NDUFA10: variants seen among roughly 807,000 people sequenced by gnomAD.
NDUFA10 encodes NADH dehydrogenase [ubiquinone] 1 alpha subcomplex subunit 10, mitochondrial.
NDUFA10 carries 40 observed loss-of-function variants against 47.8 expected under a neutral mutation model. That is an observed-to-expected ratio of 0.84 (90% CI 0.65 to 1.09). NDUFA10 has a LOEUF of 1.09. NDUFA10 is among the 50% of genes least tolerant of loss of function. The pLI, the probability that NDUFA10 is intolerant of heterozygous loss-of-function variation, is 0.00. For synonymous variants in NDUFA10, 183 were observed against 172.2 expected, an observed-to-expected ratio of 1.06 and a Z score of -0.49; for missense variants, 413 against 451.1, an observed-to-expected ratio of 0.92 and a Z score of 0.76.
chr2:240,000,099 T>C (rs960844959), intron 8 of NDUFA10, among the ~76,000 whole-genome samples: 1 of 152,260 alleles, frequency 6.6e-6, no homozygotes, highest in African/African-American at 2.4e-5. Flanking sequence ...GAATACCTGA[T>C]ATTCTCATCA....
intron 4 of NDUFA10, among the ~76,000 whole-genome samples, chr2:239,947,347 T>C (rs1476115137): frequency 1.3e-5 from 2 of 152,200 alleles, no homozygotes; most frequent in Non-Finnish European, 2.9e-5. Context: ...ACAGAGCTCC[T>C]GAGGCCCACA....
intron 8 of NDUFA10, among the ~76,000 whole-genome samples, chr2:239,996,458 T>C (rs949505821): frequency 2.0e-5 from 3 of 152,216 alleles, no homozygotes; most frequent in Non-Finnish European, 2.9e-5. Context: ...AAAGAAAAAG[T>C]CTCAAAATAT....
chr2:240,014,531 G>A (rs1029945237), intron 5 of NDUFA10: 8 of 692,362 alleles, frequency 1.2e-5, no homozygotes, highest in African/African-American at 3.5e-5. Flanking sequence ...ACTGGTGGGC[G>A]GCAGGCCCGC....
intron 4 of NDUFA10, among the ~76,000 whole-genome samples, chr2:239,898,965 GT>G (rs1693460405): frequency 7.2e-6 from 1 of 139,286 alleles, no homozygotes; most frequent in African/African-American, 2.6e-5. Context: ...GTGTGGCAGG[GT>G]GTGATGAAGA....
intron 4 of NDUFA10, among the ~76,000 whole-genome samples, chr2:239,907,348 A>G (rs1205905223): frequency 6.6e-6 from 1 of 152,262 alleles, no homozygotes; most frequent in Non-Finnish European, 1.5e-5. Flanking sequence ...CAAGGACTTC[A>G]TGACTAAAAC....
chr2:239,893,269 C>T (rs1693328978), intron 5 of NDUFA10, among the ~76,000 whole-genome samples: 1 of 152,064 alleles, frequency 6.6e-6, no homozygotes, highest in African/African-American at 2.4e-5. Context: ...GCACAGAGGA[C>T]CGGAAGTATG....
chr2:239,952,990 G>A (rs1694581956), downstream of NDUFA10, among the ~76,000 whole-genome samples: 1 of 152,236 alleles, frequency 6.6e-6, no homozygotes, highest in Non-Finnish European at 1.5e-5. Context: ...AGCAGGGCCT[G>A]TGGCTGCCAG....
intron 9 of NDUFA10, chr2:239,982,246 T>C (rs1695808215): frequency 6.2e-7 from 1 of 1,611,428 alleles, no homozygotes; most frequent in Non-Finnish European, 8.5e-7. Context: ...AACAATTCTG[T>C]TCACCTCGCC....
rs1461160919 is a variant in NDUFA10, at chr2:239,906,084, A to G, written c.295-10770T>C. 6.6e-6 allele frequency among the ~76,000 whole-genome samples: 1 copy of G among 152,076 alleles called. No individual in the cohort carries two copies. The highest frequency in any genetic ancestry group is 2.4e-5 in the African/African-American group (1 of 41,406). ...CTCCAAGGTGCTCAGGGGACCTTGA[A>G]GCAGCCCTGGCCACAGATGTGTGCT... On this transcript the variant is annotated intron_variant, in intron 4 of 5. Coordinates refer to the NDUFA10 transcript ENST00000419408. The surrounding 1 kb of genome is among the most constrained non-coding windows in gnomAD (Gnocchi z 4.3).
rs770747594 is a variant in NDUFA10, at chr2:240,021,387, C to T, written c.270G>A (p.Gly90=). ...CTGTGGTACTGTCTGGATAATGAATCCCCGCTTCAGGAAAGTGCTTGAAGC... is the reference window on the plus strand; with the variant it reads ...CTGTGGTACTGTCTGGATAATGAATTCCCGCTTCAGGAAAGTGCTTGAAGC... ...KLGFKHFPEA[G]IHYPDSTTGD... is the part of the protein sequence containing the mutation. The change falls in exon 3 of 10, where the codon GGG becomes GGA. Residue 90 remains glycine (G), a synonymous_variant. Transcript: ENST00000252711. The T allele has an allele frequency of 6.2e-7, 1 of 1,614,188 alleles. No homozygotes were observed. The highest frequency in any genetic ancestry group is 8.5e-7 in the Non-Finnish European group (1 of 1,180,038).
intron 4 of NDUFA10, among the ~76,000 whole-genome samples, chr2:239,917,972 G>A (rs889002613): frequency 3.3e-5 from 5 of 151,874 alleles, no homozygotes; most frequent in South Asian, 4.2e-4. Context: ...TGCAGAATGG[G>A]AGCCACAGAG....
At chr2:240,004,070 C>G (rs1361511443) in intron 8 of NDUFA10, among the ~76,000 whole-genome samples, 1 of 152,152 alleles carries the variant, frequency 6.6e-6, no homozygotes, top group East Asian at 1.9e-4. Flanking sequence ...CAGAGCCCAG[C>G]AGCAGGCAGA....
intron 4 of NDUFA10, among the ~76,000 whole-genome samples, chr2:239,921,864 C>T (rs1693991315): frequency 6.6e-6 from 1 of 152,000 alleles, no homozygotes; most frequent in Non-Finnish European, 1.5e-5. Context: ...GGTCCATCCT[C>T]CTGACCCTCT....
chr2:240,002,008 T>C lies in NDUFA10; in HGVS notation c.890+3202A>G, dbSNP rs74803559. Among the ~76,000 whole-genome samples, 454 of 152,252 alleles carry C rather than the reference T, an allele frequency of 3.0e-3. 12 individuals carry two copies. In the East Asian group the frequency reaches 0.043, roughly 14 times the overall value. ...AGAGGCCAAAAGCAGTGCTTTGTGC[T>C]TTACTTCCATCTCCTAGTAATGGCT... On this transcript the variant is annotated intron_variant, in intron 8 of 9. Transcript: ENST00000252711.
chr2:239,938,121 C>A (rs1227844446), intron 4 of NDUFA10, among the ~76,000 whole-genome samples: 2 of 152,204 alleles, frequency 1.3e-5, no homozygotes, highest in Non-Finnish European at 2.9e-5. Context: ...AACCCCAGCA[C>A]CCCACTCCCC....
At chr2:239,964,565 T>C (rs1213456163) in intron 9 of NDUFA10, among the ~76,000 whole-genome samples, 1 of 152,072 alleles carries the variant, frequency 6.6e-6, no homozygotes, top group Non-Finnish European at 1.5e-5. Flanking sequence ...GTCACATCTG[T>C]ACACCAGGAA....
At chr2:239,895,953 C>T (rs1245835786) in intron 4 of NDUFA10, among the ~76,000 whole-genome samples, 3 of 149,380 alleles carry the variant, frequency 2.0e-5, no homozygotes, top group Non-Finnish European at 4.5e-5. Flanking sequence ...AGTGTAAGTG[C>T]TTGGCTAATA....
At chr2:239,947,747 G>A (rs1262109999) in intron 4 of NDUFA10, among the ~76,000 whole-genome samples, 2 of 152,264 alleles carry the variant, frequency 1.3e-5, no homozygotes, top group African/African-American at 4.8e-5. Context: ...CCCAGCTCTT[G>A]TTGCCAGATG....
chr2:239,900,899 A>C (rs1693532224), intron 4 of NDUFA10, among the ~76,000 whole-genome samples: 1 of 152,266 alleles, frequency 6.6e-6, no homozygotes, highest in African/African-American at 2.4e-5. Context: ...ATAAAGGTGC[A>C]AGGTGAAGTA....
Sources: gnomAD v4.1 joint callset for allele counts (sites outside exome capture counted in the v4.1 genomes callset) on GRCh38, gnomAD v4.1.1 for gene constraint, Gnocchi (gnomAD v3.1) non-coding constraint, MANE v1.5 for transcripts, NCBI Gene and HGNC (gene_info 2026-07-23, HGNC 2026-07-21) for gene names.